Variants in FAAH2 observed in about 807,000 individuals in gnomAD.
FAAH2 encodes fatty-acid amide hydrolase 2.
In FAAH2, 60 loss-of-function variants were observed where a neutral mutation model predicts 36.9. That is an observed-to-expected ratio of 1.63 (90% CI 1.32 to 2.02). The LOEUF (loss-of-function observed/expected upper bound fraction) is 2.02, where lower values mean the gene tolerates loss of function less well. Ranked by LOEUF, FAAH2 falls within the 30% of genes most tolerant of loss-of-function variation. FAAH2 has a pLI of 0.00. For missense variants in FAAH2, 689 were observed against 397.5 expected (o/e 1.73, Z -6.23); for synonymous variants, 214 against 143.8 (o/e 1.49, Z -3.49).
intron 3 of FAAH2, among the ~76,000 whole-genome samples, chrX:57,322,148 A>G (rs778336356): frequency 1.8e-5 from 2 of 110,808 alleles, no homozygotes; most frequent in African/African-American, 6.6e-5. Flanking sequence ...GACTACAGGC[A>G]TCCGCCACCG....
At chrX:57,388,914 C>T (rs996760222) in intron 7 of FAAH2, among the ~76,000 whole-genome samples, 5 of 110,007 alleles carry the variant, frequency 4.5e-5, no homozygotes, top group African/African-American at 1.6e-4. Context: ...AAGTTCCCTC[C>T]ATGTCTTTTC....
At chrX:57,355,524 T>C (rs1271168509) in intron 5 of FAAH2, among the ~76,000 whole-genome samples, 1 of 111,350 alleles carries the variant, frequency 9.0e-6, no homozygotes, top group Non-Finnish European at 1.9e-5. Context: ...TGTTGTTAAA[T>C]TTGTTTCTAT....
At chrX:57,421,412 C>G (rs1156717346) in intron 7 of FAAH2, among the ~76,000 whole-genome samples, 2 of 111,886 alleles carry the variant, frequency 1.8e-5, no homozygotes, top group African/African-American at 6.5e-5. Context: ...TAACATAATA[C>G]CATAGACTGG....
chrX:57,202,722 T>C, the FAAH2 span, among the ~76,000 whole-genome samples: 1 of 112,001 alleles, frequency 8.9e-6, no homozygotes, highest in African/African-American at 3.3e-5. Flanking sequence ...TGTCCTTCAG[T>C]GAAGCATGTT....
chrX:57,394,903 C>G (rs769907536), intron 7 of FAAH2: 2 of 753,576 alleles, frequency 2.7e-6, no homozygotes, highest in Non-Finnish European at 4.2e-6. Flanking sequence ...TTTTACTGCA[C>G]CCAACCACCA....
intron 5 of FAAH2, among the ~76,000 whole-genome samples, chrX:57,371,894 G>A (rs1408667122): frequency 9.0e-6 from 1 of 111,621 alleles, no homozygotes; most frequent in Non-Finnish European, 1.9e-5. Context: ...GTAAGAAGAT[G>A]CGGTCTTTGG....
chrX:57,446,197 G>A (rs2056670854), intron 8 of FAAH2, among the ~76,000 whole-genome samples: 1 of 112,339 alleles, frequency 8.9e-6, no homozygotes, highest in Admixed American at 9.5e-5. Context: ...CAATGAGGGA[G>A]GGTTTGTGTA....
At chrX:57,216,528 A>ATATATATATATATACGTATATG in the FAAH2 span, among the ~76,000 whole-genome samples, 3 of 37,906 alleles carry the variant, frequency 7.9e-5, no homozygotes, top group Admixed American at 3.5e-4. Context: ...ACGTATATGT[A>ATATATATATATATACGTATATG]TATATATATA....
At chrX:57,171,103 G>T in the FAAH2 span, among the ~76,000 whole-genome samples, 1 of 111,171 alleles carries the variant, frequency 9.0e-6, no homozygotes, top group Non-Finnish European at 1.9e-5. Context: ...CTTTTTTTAT[G>T]GTTGAGTAGT....
At chrX:57,487,091 A>C (rs1488344516) in intron 10 of FAAH2, among the ~76,000 whole-genome samples, 2 of 111,437 alleles carry the variant, frequency 1.8e-5, no homozygotes, top group African/African-American at 6.5e-5. Context: ...GCAAAAGAAT[A>C]AAGTTGGAGC....
the FAAH2 span, among the ~76,000 whole-genome samples, chrX:57,266,566 G>T: frequency 8.9e-6 from 1 of 112,455 alleles, no homozygotes; most frequent in African/African-American, 3.2e-5. Context: ...ACTATAAAAA[G>T]AGCAAAGACC....
At chrX:57,185,497 T>TGTGC in the FAAH2 span, among the ~76,000 whole-genome samples, 641 of 101,968 alleles carry the variant, frequency 6.3e-3, 6 homozygotes, top group African/African-American at 0.026. Flanking sequence ...TCTGTGTGTG[T>TGTGC]GTGTGTGTGT....
At chrX:57,296,678 C>A (rs980584431) in intron 2 of FAAH2, among the ~76,000 whole-genome samples, 7 of 110,702 alleles carry the variant, frequency 6.3e-5, no homozygotes, top group Non-Finnish European at 7.6e-5. Context: ...AAGTTTGAAC[C>A]CATGACAAAG....
At chrX:57,394,034 G>T (rs971897730) in intron 7 of FAAH2, 2 of 755,948 alleles carry the variant, frequency 2.6e-6, no homozygotes, top group African/African-American at 2.1e-5. Flanking sequence ...AGCCTTGTCT[G>T]TCTGGGTCAG....
At chrX:57,459,146 A>C (rs913233456) in intron 10 of FAAH2, among the ~76,000 whole-genome samples, 6 of 111,914 alleles carry the variant, frequency 5.4e-5, no homozygotes, top group African/African-American at 1.9e-4. Context: ...TGGTGGGGGG[A>C]GGGGCATCCG....
the FAAH2 span, among the ~76,000 whole-genome samples, chrX:57,233,315 C>T: frequency 4.5e-5 from 5 of 111,701 alleles, no homozygotes; most frequent in Admixed American, 9.5e-5. Context: ...AAATACCCGC[C>T]ATGAGCTGCT....
At chrX:57,264,893 G>C in the FAAH2 span, among the ~76,000 whole-genome samples, 2 of 111,848 alleles carry the variant, frequency 1.8e-5, no homozygotes, top group East Asian at 2.8e-4. Flanking sequence ...GAACCAAAGG[G>C]GCAGGTAAAT....
chrX:57,443,230 C>G (rs189051322), intron 8 of FAAH2, among the ~76,000 whole-genome samples: 1 of 111,874 alleles, frequency 8.9e-6, no homozygotes, highest in Non-Finnish European at 1.9e-5. Flanking sequence ...CCATTCTCAC[C>G]GTCACTTTCA....
rs1045284826 is a variant in FAAH2 at position 57,365,704 on chromosome X, G to A, written c.743-12947G>A. Among the ~76,000 whole-genome samples the A allele has an allele frequency of 2.7e-5, 3 of 111,868 alleles. No individual in the cohort carries two copies. The East Asian group carries it at 8.4e-4, about 31-fold the overall frequency. ...TTTCAGGAATGCCATTCAGTCTGAG[G>A]TTCTGTCTTTTTATAGAATCCTGCA... On this transcript the variant is annotated intron_variant, in intron 5 of 10. Transcript: ENST00000374900.
Sources: gnomAD v4.1 joint callset for allele counts (sites outside exome capture counted in the v4.1 genomes callset) on GRCh38, gnomAD v4.1.1 for gene constraint, MANE v1.5 for transcripts, NCBI Gene and HGNC (gene_info 2026-07-23, HGNC 2026-07-21) for gene names.